The following CDC42BPA variants were observed in gnomAD, a reference collection of about 807,000 sequenced individuals.
CDC42BPA encodes CDC42 binding protein kinase alpha.
In CDC42BPA, 80 loss-of-function variants were observed where a neutral mutation model predicts 223.5. The ratio of observed to expected loss-of-function variants is 0.36; its 90% CI spans 0.30 to 0.43. The LOEUF is 0.43. Ranked by LOEUF, CDC42BPA falls within the 20% of genes least tolerant of loss-of-function variation. The pLI, the probability that CDC42BPA is intolerant of heterozygous loss-of-function variation, is 1.00. For synonymous variants in CDC42BPA, 694 were observed against 718.6 expected (o/e 0.97, Z 0.55); for missense variants, 1,743 against 2,099.9 (o/e 0.83, Z 3.32).
chr1:227,132,883 C>T (rs1369791324), intron 10 of CDC42BPA, among the ~76,000 whole-genome samples: 4 of 146,760 alleles, frequency 2.7e-5, no homozygotes, highest in African/African-American at 7.6e-5. Context: ...AGTGAGGAGA[C>T]CCTCTGCCTG....
At chr1:227,142,786 A>C (rs528832700) in intron 9 of CDC42BPA, among the ~76,000 whole-genome samples, 159 bp downstream of exon 9, 5 of 151,852 alleles carry the variant, frequency 3.3e-5, no homozygotes, top group African/African-American at 1.2e-4. Context: ...CGCCCACCTA[A>C]GTTTTGTATT....
chr1:227,292,033 A>G (rs1365016377), intron 1 of CDC42BPA, among the ~76,000 whole-genome samples: 1 of 151,772 alleles, frequency 6.6e-6, no homozygotes, highest in Non-Finnish European at 1.5e-5. Context: ...CCCAGGCTGG[A>G]GTGCAGTGGT....
intron 3 of CDC42BPA, among the ~76,000 whole-genome samples, chr1:227,207,283 T>C (rs1400829839): frequency 6.6e-6 from 1 of 150,932 alleles, no homozygotes; most frequent in Admixed American, 6.6e-5. Flanking sequence ...TATGGCTGCA[T>C]AGTAATTCCA....
In CDC42BPA at chr1:227,139,685, A is replaced by G; in HGVS notation, c.1281T>C (p.Leu427=). Residue 427 remains leucine (L), a synonymous_variant, in exon 10 of 37, where the codon CTT becomes CTC. Transcript: ENST00000366766. ...CTAGAGTCCTCTGAACATTAACATC[A>G]AGATCCAGTGAGGTGGGACCAGCCG... ...RVTAGPTSLD[L]DVNVQRTLDN... is the part of the protein sequence containing the mutation. The G allele has an allele frequency of 6.2e-7, 1 of 1,608,706 alleles. No homozygotes were observed. Among genetic ancestry groups the G allele is most frequent in the Non-Finnish European group, 8.5e-7 (1 of 1,177,704 alleles).
At chr1:227,162,854 TA>T (rs202020621) in intron 5 of CDC42BPA, among the ~76,000 whole-genome samples, 14,042 of 67,008 alleles carry the variant, frequency 0.21, 860 homozygotes, top group Middle Eastern at 0.29. Flanking sequence ...AAAAATAAAA[TA>T]AAATAAATAT....
chr1:227,031,615 G>A, intron 27 of CDC42BPA, 101 bp from the exon 28 acceptor site: 1 of 839,176 alleles, frequency 1.2e-6, no homozygotes, highest in South Asian at 1.6e-5. Flanking sequence ...AATAAAATAA[G>A]CATTCATTAA....
chr1:227,183,444 C>G (rs1444013658), intron 5 of CDC42BPA: 1 of 152,208 alleles, frequency 6.6e-6, no homozygotes, highest in Admixed American at 6.5e-5. Context: ...TGGAAACATA[C>G]AGTATGTAAC....
chr1:227,205,016 T>A (rs1672412479), intron 3 of CDC42BPA, among the ~76,000 whole-genome samples: 3 of 151,766 alleles, frequency 2.0e-5, no homozygotes. Flanking sequence ...CCCAGCACTG[T>A]GGGGGGCTGA....
At chr1:227,179,036 G>C (rs1007803256) in intron 5 of CDC42BPA, among the ~76,000 whole-genome samples, 1 of 152,052 alleles carries the variant, frequency 6.6e-6, no homozygotes. Flanking sequence ...CAACATGACT[G>C]AATCTTGAAA....
chr1:227,277,685 T>C (rs866852448), intron 1 of CDC42BPA, among the ~76,000 whole-genome samples: 3 of 152,220 alleles, frequency 2.0e-5, no homozygotes, highest in South Asian at 4.1e-4. Flanking sequence ...TAAAATTCTG[T>C]AACAGTTTTT....
chr1:227,231,837 T>C (rs573405740), intron 2 of CDC42BPA, among the ~76,000 whole-genome samples: 1 of 152,084 alleles, frequency 6.6e-6, no homozygotes, highest in Non-Finnish European at 1.5e-5. Context: ...GGTTGTTTGA[T>C]TTTTTCTTGT....
At chr1:227,276,043 G>C (rs1686932541) in intron 1 of CDC42BPA, among the ~76,000 whole-genome samples, 1 of 152,148 alleles carries the variant, frequency 6.6e-6, no homozygotes, top group Non-Finnish European at 1.5e-5. Context: ...GAAGTGAGGA[G>C]CGTCTCTGCC....
chr1:227,276,026 C>G (rs1015006637), intron 1 of CDC42BPA, among the ~76,000 whole-genome samples: 3 of 152,234 alleles, frequency 2.0e-5, no homozygotes, highest in South Asian at 2.1e-4. Flanking sequence ...GCCGCCACCC[C>G]CTCTGGGAAG....
chr1:227,132,279 C>A (rs3122331), intron 10 of CDC42BPA, among the ~76,000 whole-genome samples: 1 of 152,064 alleles, frequency 6.6e-6, no homozygotes, highest in Non-Finnish European at 1.5e-5. Context: ...GCCTCAGGCG[C>A]GCCGCCACAC....
chr1:227,154,740 A>G (rs1354959218), intron 6 of CDC42BPA, among the ~76,000 whole-genome samples: 1 of 152,076 alleles, frequency 6.6e-6, no homozygotes, highest in Admixed American at 6.6e-5. Context: ...ATAAAAAGAA[A>G]CACAACATTC....
At chr1:227,173,421 A>G (rs993541457) in intron 5 of CDC42BPA, among the ~76,000 whole-genome samples, 22 of 152,192 alleles carry the variant, frequency 1.4e-4, no homozygotes, top group African/African-American at 5.1e-4. Context: ...TTTGACTACT[A>G]GACAATCTAC....
intron 3 of CDC42BPA, among the ~76,000 whole-genome samples, chr1:227,201,043 T>C (rs1035837571): frequency 6.6e-6 from 1 of 152,242 alleles, no homozygotes; most frequent in African/African-American, 2.4e-5. Context: ...TTTTTTCAAA[T>C]TGATTTTTTA....
chr1:227,072,103 A>G, intron 20 of CDC42BPA, 105 bp downstream of exon 20: 1 of 632,716 alleles, frequency 1.6e-6, no homozygotes. Flanking sequence ...AGAATTGCTT[A>G]TGTCAACAAT....
At chr1:226,996,179 A>T (rs1661566149) in intron 35 of CDC42BPA, among the ~76,000 whole-genome samples, 1 of 152,242 alleles carries the variant, frequency 6.6e-6, no homozygotes, top group South Asian at 2.1e-4. Flanking sequence ...GACTGACTGC[A>T]GATCAGCAAC....
Sources: allele counts gnomAD v4.1 joint callset (sites outside exome capture counted in the v4.1 genomes callset), GRCh38; gene constraint gnomAD v4.1.1; transcripts MANE v1.5; gene names NCBI Gene and HGNC (gene_info 2026-07-23, HGNC 2026-07-21).